OARD1: variants seen among roughly 807,000 people sequenced by gnomAD.
The protein encoded by OARD1 is ADP-ribose glycohydrolase OARD1.
In OARD1, 19 loss-of-function variants were observed where a neutral mutation model predicts 19.7. That is an observed-to-expected ratio of 0.96 (90% CI 0.67 to 1.41). The LOEUF (loss-of-function observed/expected upper bound fraction) is 1.41. Among genes scored for constraint, OARD1 ranks in the 40% most tolerant of loss-of-function variants. The pLI is 0.00. For missense variants in OARD1, 190 were observed against 183.8 expected (o/e 1.03, Z -0.20); for synonymous variants, 70 against 61.8 (o/e 1.13, Z -0.62).
At chr6:41,071,969 C>CG in intron 1 of OARD1, 1 of 356,106 alleles carries the variant, frequency 2.8e-6, no homozygotes, top group Non-Finnish European at 5.2e-6. Context: ...AGGGCCACTC[C>CG]GGAGCAAGGC....
intron 3 of OARD1, 123 bp downstream of exon 3, chr6:41,071,009 G>T: frequency 9.5e-7 from 1 of 1,049,286 alleles, no homozygotes. Context: ...TTCTTGGGGA[G>T]GAAAATCTTA....
intron 5 of OARD1, 35 bp from the exon 6 acceptor site, chr6:41,067,472 G>T (rs377306368): frequency 7.1e-7 from 1 of 1,416,176 alleles, no homozygotes; most frequent in Non-Finnish European, 1.0e-6. Flanking sequence ...TGATGGTAAC[G>T]AAAGTATCTA....
At position 41,068,887 on chromosome 6, in the gene OARD1, T is replaced by C. The variant is rs1763168241; in HGVS notation, c.310A>G (p.Lys104Glu). 1 of 1,610,214 alleles carries C rather than the reference T, an allele frequency of 6.2e-7. No homozygotes were observed. ...ENLQKSLEAM[K>E]SHCLKNGVTD... ...ACTCCATTCTTCAGACAATGAGACT[T>C]CATTGCCTCTAAACTCTTCTGTAAG... The change falls in exon 5 of 6, where the codon AAG becomes GAG. Residue 104 changes from lysine (K) to glutamate (E), a missense_variant. Lys to Glu is a moderately conservative substitution (Grantham distance 56). Transcript: ENST00000424266.
chr6:41,068,963 A>G lies in OARD1; in HGVS notation c.244-10T>C, dbSNP rs762089985. 6.7e-7 allele frequency: 1 copy of G among 1,485,156 alleles called. No homozygotes were observed. The highest frequency in any genetic ancestry group is 1.9e-5 in the Admixed American group (1 of 52,320). 92.0% of individuals were successfully genotyped at this position (1,485,156 alleles called of 1,614,324 possible). ...CCCTTTTCTTTGTAATCTGAACACA[A>G]AGGATTCAAACTTTCATCATCCCAA... is the stretch of plus-strand genomic sequence containing the variant. On this transcript the variant is annotated splice_polypyrimidine_tract_variant and intron_variant, in intron 4 of 5. Transcript: ENST00000424266.
chr6:41,093,130 G>T (rs756302153), intron 1 of OARD1: 189 of 1,533,918 alleles, frequency 1.2e-4, no homozygotes, highest in Non-Finnish European at 1.5e-4. Flanking sequence ...GAATAGCAGG[G>T]TTCTACTTTT....
At chr6:41,072,660 G>A (rs982915055), upstream of OARD1, 2 of 152,528 alleles carry the variant, frequency 1.3e-5, no homozygotes, top group Admixed American at 1.3e-4. Flanking sequence ...AGCCGCAGGG[G>A]TGTGTCCTAG....
intron 1 of OARD1, chr6:41,093,085 G>C: frequency 6.2e-7 from 1 of 1,613,524 alleles, no homozygotes; most frequent in Non-Finnish European, 8.5e-7. Context: ...AGGAGAGAAG[G>C]GTATGTATAA....
chr6:41,071,352 G>T, intron 2 of OARD1, 76 bp from the exon 3 acceptor site: 1 of 1,436,802 alleles, frequency 7.0e-7, no homozygotes, highest in Non-Finnish European at 9.7e-7. Flanking sequence ...TGTATTTTGT[G>T]TCCCCCACGA....
chr6:41,079,780 A>C (rs776971979), intron 1 of OARD1, among the ~76,000 whole-genome samples: 12 of 152,212 alleles, frequency 7.9e-5, no homozygotes, highest in Non-Finnish European at 1.0e-4. Flanking sequence ...CCCCAGAAGA[A>C]AAAAATGTAT....
intron 1 of OARD1, chr6:41,079,255 T>A (rs982830724): frequency 4.0e-5 from 48 of 1,200,864 alleles, no homozygotes; most frequent in Middle Eastern, 1.9e-4. Flanking sequence ...GGGAATTATT[T>A]GAAAGATACC....
chr6:41,071,589 T>TA lies in OARD1; in HGVS notation c.39+6dup. 6.2e-7 allele frequency: 1 copy of TA among 1,610,538 alleles called. No individual in the cohort carries two copies. Among genetic ancestry groups the TA allele is most frequent in the Non-Finnish European group, 8.5e-7 (1 of 1,176,634 alleles). ...AGTTCACCAATAAGTCAATAGTTGTTACGCACTCTGCTTCCTTCTGGATCT... is the reference window on the plus strand; with the variant it reads ...AGTTCACCAATAAGTCAATAGTTGTTAACGCACTCTGCTTCCTTCTGGATCT... On this transcript the variant is annotated splice_region_variant and intron_variant, in intron 2 of 5. Transcript: ENST00000424266.
Position 41,071,230 on chromosome 6 carries a change from G to A in OARD1, c.86C>T (p.Ser29Phe). The change falls in exon 3 of 6, where the codon TCT becomes TTT. Residue 29 changes from serine to phenylalanine, a missense_variant. Transcript: ENST00000424266. ...ATCCTCACTGATACAGTGGGCTAAA[G>A]AGTCTGTTTTCGGGCATGCAAAAAG... ...GDLFACPKTD[S>F]LAHCISEDCR... 6.2e-7 allele frequency: 1 copy of A among 1,614,108 alleles called. No homozygotes were observed. Among genetic ancestry groups the A allele is most frequent in the South Asian group, 1.1e-5 (1 of 91,076 alleles).
At chr6:41,074,497 T>C, upstream of OARD1, among the ~76,000 whole-genome samples, 1 of 152,232 alleles carries the variant, frequency 6.6e-6, no homozygotes, top group Non-Finnish European at 1.5e-5. Context: ...GTGAAAGGCT[T>C]ATCACCACCG....
At chr6:41,074,522 CTTG>C (rs1763676754), upstream of OARD1, among the ~76,000 whole-genome samples, 1 of 152,172 alleles carries the variant, frequency 6.6e-6, no homozygotes, top group Non-Finnish European at 1.5e-5. Context: ...TTTGACTGGC[CTTG>C]AAGAATGATG....
At chr6:41,093,087 T>C (rs1764237521) in intron 1 of OARD1, 1 of 1,613,516 alleles carries the variant, frequency 6.2e-7, no homozygotes, top group Non-Finnish European at 8.5e-7. Flanking sequence ...GAGAGAAGGG[T>C]ATGTATAACA....
chr6:41,071,708 A>G (rs1206465280), intron 1 of OARD1, 33 bp from the exon 2 acceptor site: 4 of 1,231,232 alleles, frequency 3.2e-6, no homozygotes, highest in African/African-American at 3.0e-5. Context: ...AAAAATGCTT[A>G]GGCAGCCTTA....
At chr6:41,092,910 A>G in intron 1 of OARD1, 1 of 1,612,964 alleles carries the variant, frequency 6.2e-7, no homozygotes, top group Non-Finnish European at 8.5e-7. Flanking sequence ...CTGTTCACAC[A>G]GATGGTTCCT....
At chr6:41,090,602 A>G (rs200200964) in intron 1 of OARD1, among the ~76,000 whole-genome samples, 1 of 152,184 alleles carries the variant, frequency 6.6e-6, no homozygotes, top group East Asian at 1.9e-4. Context: ...TTCATTGGTA[A>G]AGAGAGAAAT....
intron 1 of OARD1, chr6:41,078,917 C>T (rs1265899464): frequency 3.6e-6 from 2 of 552,336 alleles, no homozygotes; most frequent in African/African-American, 3.7e-5. Flanking sequence ...TTCCTATTCT[C>T]CTATCCTGTT....
Sources: allele counts gnomAD v4.1 joint callset (sites outside exome capture counted in the v4.1 genomes callset), GRCh38; gene constraint gnomAD v4.1.1; transcripts MANE v1.5; gene names NCBI Gene and HGNC (gene_info 2026-07-23, HGNC 2026-07-21).